The following SCLY variants were observed in gnomAD, a reference collection of about 807,000 sequenced individuals.
SCLY encodes putative selenocysteine lyase.
A neutral mutation model predicts 50.1 loss-of-function variants in SCLY; 38 were observed. The ratio of observed to expected loss-of-function variants is 0.76; its 90% confidence interval spans 0.59 to 0.99. SCLY has a LOEUF of 0.99. Ranked by LOEUF, SCLY falls within the 50% of genes least tolerant of loss-of-function variation. The pLI is 0.00. For missense variants in SCLY, 600 were observed against 620.0 expected (o/e 0.97, Z 0.34); for synonymous variants, 243 against 249.4 (o/e 0.97, Z 0.24).
chr2:238,087,263 C>T (rs780388784), intron 7 of SCLY, among the ~76,000 whole-genome samples: 2 of 151,702 alleles, frequency 1.3e-5, no homozygotes, highest in African/African-American at 2.4e-5. Context: ...CAGGACAGAC[C>T]TCTAGCAAGA....
intron 8 of SCLY, 199 bp downstream of exon 8, chr2:238,091,453 G>A: frequency 1.6e-6 from 1 of 607,888 alleles, no homozygotes; most frequent in East Asian, 2.8e-5. Context: ...CACTTGTTTA[G>A]CATTTAAAAG....
intron 6 of SCLY, chr2:238,082,962 C>T: frequency 7.6e-6 from 3 of 393,106 alleles, no homozygotes; most frequent in Non-Finnish European, 1.5e-5. Context: ...GATTTGAGAT[C>T]CTTTTACAAA....
chr2:238,097,752 G>A (rs2065455061), intron 11 of SCLY, among the ~76,000 whole-genome samples: 1 of 152,148 alleles, frequency 6.6e-6, no homozygotes, highest in Non-Finnish European at 1.5e-5. Flanking sequence ...TCCCCACGCA[G>A]TCATCTGTTC....
intron 4 of SCLY, among the ~76,000 whole-genome samples, chr2:238,078,376 G>A (rs1014890752): frequency 1.3e-5 from 2 of 152,062 alleles, no homozygotes; most frequent in African/African-American, 4.8e-5. Context: ...TTTCCTAGAT[G>A]TCTCATATAT....
At chr2:238,087,701 CA>C (rs35023607) in intron 7 of SCLY, among the ~76,000 whole-genome samples, 120,607 of 152,154 alleles carry the variant, frequency 0.79, 47,979 homozygotes, top group East Asian at 0.93. Context: ...AAAGACAGTA[CA>C]AAAAAAATCC....
At chr2:238,078,345 A>G (rs752989127) in intron 4 of SCLY, among the ~76,000 whole-genome samples, 12 of 152,154 alleles carry the variant, frequency 7.9e-5, no homozygotes, top group Non-Finnish European at 1.5e-4. Flanking sequence ...TAGTTGGAGT[A>G]CCACCTATTT....
intron 2 of SCLY, among the ~76,000 whole-genome samples, chr2:238,065,404 G>A (rs1254674576): frequency 6.6e-6 from 1 of 152,118 alleles, no homozygotes; most frequent in Admixed American, 6.5e-5. Context: ...AAATGCCGAT[G>A]ACAGGCATTG....
intron 1 of SCLY, 96 bp from the exon 2 acceptor site, chr2:238,064,258 CATT>C (rs2065047866): frequency 1.6e-6 from 1 of 638,622 alleles, no homozygotes; most frequent in East Asian, 3.0e-5. Flanking sequence ...ATGCCCTTGA[CATT>C]ATTTGCTCCT....
At chr2:238,064,930 C>T (rs1040924583) in intron 2 of SCLY, 1 of 152,140 alleles carries the variant, frequency 6.6e-6, no homozygotes, top group Non-Finnish European at 1.5e-5. Flanking sequence ...CCAATTTATT[C>T]TTATTGTAAT....
intron 11 of SCLY, 75 bp downstream of exon 11, chr2:238,096,951 A>G (rs1282959177): frequency 1.4e-6 from 2 of 1,396,250 alleles, no homozygotes; most frequent in Non-Finnish European, 1.9e-6. Context: ...AGGCGGCAGG[A>G]TCCGGCCACT....
chr2:238,069,670 C>A lies in SCLY; in HGVS notation c.484+193C>A. The A allele has an allele frequency of 2.0e-6, 1 of 507,110 alleles. No homozygotes were observed. The highest frequency in any genetic ancestry group is 3.3e-6 in the Non-Finnish European group (1 of 300,170). The allele number at this position is 507,110 out of a possible 1,614,324, so 31.4% of individuals were successfully genotyped here. A position where few individuals can be genotyped will look rare whatever the true frequency, so the allele number is the denominator to read the frequency against. On this transcript the variant is annotated intron_variant, in intron 4 of 11. Transcript: ENST00000254663. This position sits in a 1 kb window ranked among gnomAD's most constrained non-coding sequence, Gnocchi z 5.0. ...AATAGTTGCCCCTCACTGCACTGGG[C>A]TCCCTGGCTGCCCCTCTCGGTGCAG...
At chr2:238,097,602 G>A (rs2065453031) in intron 11 of SCLY, among the ~76,000 whole-genome samples, 2 of 152,090 alleles carry the variant, frequency 1.3e-5, no homozygotes, top group African/African-American at 4.8e-5. Context: ...GGGAAAAGGA[G>A]GGGCAGGATG....
chr2:238,098,295 G>T lies in SCLY; in HGVS notation c.1278G>T (p.Glu426Asp), dbSNP rs757123076. ...LSVGRSTTRA[E>D]VDLVVQDLKQ... ...TGGGCCGCAGCACCACCAGGGCCGA[G>T]GTGGACCTCGTCGTGCAGGACCTGA... Residue 426 changes from glutamate to aspartate, a missense_variant, in exon 12 of 12, where the codon GAG (glutamate) becomes GAT (aspartate). Coordinates refer to ENST00000254663, the MANE Select transcript of SCLY (RefSeq NM_016510.7). The T allele has an allele frequency of 3.1e-6, 5 of 1,608,902 alleles. No homozygotes were observed. In the African/African-American group the frequency reaches 6.7e-5, roughly 21 times the overall value.
intron 10 of SCLY, chr2:238,095,417 T>C (rs2065420111): frequency 6.6e-6 from 1 of 152,200 alleles, no homozygotes; most frequent in South Asian, 2.1e-4. Flanking sequence ...GAGATCACGA[T>C]GAGCTGCATC....
In SCLY at chr2:238,069,568, G is replaced by T; in HGVS notation, c.484+91G>T. 1 of 1,179,468 alleles carries T rather than the reference G, an allele frequency of 8.5e-7. No individual in the cohort carries two copies. The highest frequency in any genetic ancestry group is 1.2e-6 in the Non-Finnish European group (1 of 851,210). The allele number at this position is 1,179,468 out of a possible 1,614,324, so 73.1% of individuals were successfully genotyped here. A position where few individuals can be genotyped will look rare whatever the true frequency, so the allele number is the denominator to read the frequency against. On this transcript the variant is annotated intron_variant, in intron 4 of 11. Transcript: ENST00000254663. This position sits in a 1 kb window ranked among gnomAD's most constrained non-coding sequence, Gnocchi z 5.0. ...CTGCGAGCAGAGCCCGGGATCCGCT[G>T]CAGAGATGTAGATTCAGTGTGCCAC...
At chr2:238,078,537 C>A (rs561113930) in intron 4 of SCLY, 2 of 152,034 alleles carry the variant, frequency 1.3e-5, no homozygotes, top group Non-Finnish European at 2.9e-5. Flanking sequence ...TATAAACTTA[C>A]CAGTATATAC....
intron 8 of SCLY, chr2:238,093,523 T>G: frequency 3.1e-6 from 1 of 320,076 alleles, no homozygotes; most frequent in Non-Finnish European, 6.0e-6. Flanking sequence ...GCCTGCGAGG[T>G]GCCTTCACAG....
rs374768506 is a variant in SCLY, at chr2:238,094,463, C to T, written c.1049C>T (p.Pro350Leu). 4.3e-6 allele frequency: 7 copies of T among 1,614,218 alleles called. No individual in the cohort carries two copies. The African/African-American group carries it at 6.7e-5, about 15-fold the overall frequency. ...QKRIHLNSQF[P>L]GTQRLPNTCN... ...AGAATCCATCTGAATAGCCAGTTTC[C>T]AGGCACCCAGCGGCTTCCCAATACC... Residue 350 changes from proline (P) to leucine (L), a missense_variant, in exon 10 of 12, where the codon CCA becomes CTA. Physicochemically the swap from Pro to Leu is moderately conservative, Grantham distance 98. Transcript: ENST00000254663.
intron 8 of SCLY, chr2:238,093,016 C>T (rs1161393675): frequency 6.5e-6 from 1 of 153,000 alleles, no homozygotes; most frequent in Non-Finnish European, 1.5e-5. Flanking sequence ...CTGCTCTCCT[C>T]CAACCCTCTT....
Sources: allele counts gnomAD v4.1 joint callset (sites outside exome capture counted in the v4.1 genomes callset), GRCh38; gene constraint gnomAD v4.1.1; non-coding constraint Gnocchi (gnomAD v3.1); transcripts MANE v1.5; gene names NCBI Gene and HGNC (gene_info 2026-07-23, HGNC 2026-07-21).